Variants in CHRNA7 observed in about 807,000 individuals in gnomAD.
CHRNA7 encodes neuronal acetylcholine receptor subunit alpha-7.
Under a neutral mutation model 48.0 loss-of-function variants are expected in CHRNA7, and 17 were observed. The ratio of observed to expected loss-of-function variants is 0.35; its 90% CI spans 0.24 to 0.53. CHRNA7 has a LOEUF of 0.53. CHRNA7 is among the 20% of genes least tolerant of loss of function. The pLI is 0.92. For missense variants in CHRNA7, 155 were observed against 577.7 expected, an observed-to-expected ratio of 0.27 and a Z score of 7.50; for synonymous variants, 75 against 242.3, an observed-to-expected ratio of 0.31 and a Z score of 6.41.
intron 2 of CHRNA7, among the ~76,000 whole-genome samples, chr15:32,035,424 T>C (rs1902037728): frequency 6.6e-6 from 1 of 152,216 alleles, no homozygotes; most frequent in African/African-American, 2.4e-5. Flanking sequence ...GTAAAACACA[T>C]AATTATACAA....
At chr15:32,114,033 T>TAC (rs1566848703) in intron 4 of CHRNA7, among the ~76,000 whole-genome samples, 1 of 87,444 alleles carries the variant, frequency 1.1e-5, no homozygotes, top group Non-Finnish European at 2.2e-5. Flanking sequence ...TATATATATA[T>TAC]ATATATATAT....
chr15:32,036,808 A>T, intron 2 of CHRNA7, among the ~76,000 whole-genome samples: 1 of 144,222 alleles, frequency 6.9e-6, no homozygotes, highest in East Asian at 2.0e-4. Flanking sequence ...TGAATTTAAG[A>T]GTTTTTGTAT....
At chr15:32,063,667 C>G (rs1339751874) in intron 2 of CHRNA7, among the ~76,000 whole-genome samples, 1 of 152,152 alleles carries the variant, frequency 6.6e-6, no homozygotes, top group East Asian at 1.9e-4. Context: ...GGAGGTTAAG[C>G]CTCAAGTTCC....
intron 2 of CHRNA7, among the ~76,000 whole-genome samples, chr15:32,059,794 G>A (rs894674318): frequency 2.6e-5 from 4 of 151,634 alleles, no homozygotes; most frequent in Non-Finnish European, 5.9e-5. Context: ...CACATACTTA[G>A]AAGCAGCAGA....
intron 2 of CHRNA7, among the ~76,000 whole-genome samples, chr15:32,073,680 G>T (rs12101471): frequency 0.042 from 6,363 of 152,204 alleles, 155 homozygotes; most frequent in Middle Eastern, 0.095. Flanking sequence ...ATGGCTTGCT[G>T]CTCTCCCCAC....
At chr15:32,128,890 G>GT (rs1376416150) in intron 4 of CHRNA7, among the ~76,000 whole-genome samples, 2 of 151,830 alleles carry the variant, frequency 1.3e-5, no homozygotes, top group Non-Finnish European at 3.0e-5. Context: ...CTAGCTGTAG[G>GT]TTTTTTGTGG....
At chr15:32,145,207 C>T (rs1433618057) in intron 4 of CHRNA7, among the ~76,000 whole-genome samples, 4 of 152,128 alleles carry the variant, frequency 2.6e-5, no homozygotes, top group African/African-American at 9.7e-5. Context: ...TGCTGGAGGT[C>T]CACTCCAGAC....
chr15:32,138,726 C>CTGTTA (rs1555386929), intron 4 of CHRNA7, among the ~76,000 whole-genome samples: 1 of 73,454 alleles, frequency 1.4e-5, no homozygotes, highest in African/African-American at 5.4e-5. Context: ...AGCCATTGAC[C>CTGTTA]TGTTATGTTT....
In CHRNA7 at chr15:32,089,241, G is replaced by C. The variant is rs146746875; in HGVS notation, c.196-12062G>C. 3.7e-3 allele frequency among the ~76,000 whole-genome samples: 568 copies of C among 151,928 alleles called. 4 individuals are homozygous for C. The highest frequency in any genetic ancestry group is 0.013 in the African/African-American group (534 of 41,462). On this transcript the variant is annotated intron_variant, in intron 2 of 9. Coordinates refer to ENST00000306901, the MANE Select transcript of CHRNA7 (RefSeq NM_000746.6). ...CAACTATTCTTTCTGCTCTGCTCTC[G>C]CTTTTGGTGATTCAACTATATATGT...
At chr15:32,095,769 A>G (rs2050458704) in intron 2 of CHRNA7, among the ~76,000 whole-genome samples, 1 of 152,254 alleles carries the variant, frequency 6.6e-6, no homozygotes, top group Non-Finnish European at 1.5e-5. Flanking sequence ...TTCCAAGCCC[A>G]TACTTTGAAA....
intron 2 of CHRNA7, among the ~76,000 whole-genome samples, chr15:32,040,353 G>A (rs112828624): frequency 6.6e-6 from 1 of 151,264 alleles, no homozygotes; most frequent in Admixed American, 6.6e-5. Flanking sequence ...TGGTTTAGTT[G>A]GACATTTTAT....
At chr15:32,045,530 C>T (rs141074361) in intron 2 of CHRNA7, among the ~76,000 whole-genome samples, 1,946 of 151,892 alleles carry the variant, frequency 0.013, 38 homozygotes, top group African/African-American at 0.045. Context: ...AGTCTTCTCT[C>T]TCTTCAATAA....
At chr15:32,093,315 C>T (rs780350438) in intron 2 of CHRNA7, among the ~76,000 whole-genome samples, 1 of 152,134 alleles carries the variant, frequency 6.6e-6, no homozygotes, top group Non-Finnish European at 1.5e-5. Flanking sequence ...GAGGTAGGTC[C>T]TTTGAGGGAG....
chr15:32,077,851 C>T (rs1402535737), intron 2 of CHRNA7, among the ~76,000 whole-genome samples: 1 of 152,068 alleles, frequency 6.6e-6, no homozygotes, highest in East Asian at 1.9e-4. Flanking sequence ...GTGACAGGCT[C>T]TTTTTAACAA....
At chr15:32,077,939 G>A (rs2050159549) in intron 2 of CHRNA7, among the ~76,000 whole-genome samples, 1 of 152,266 alleles carries the variant, frequency 6.6e-6, no homozygotes, top group African/African-American at 2.4e-5. Flanking sequence ...CATTCATGAG[G>A]GATTTGCCCC....
chr15:32,114,211 G>T (rs1233834480), intron 4 of CHRNA7, among the ~76,000 whole-genome samples: 2 of 150,776 alleles, frequency 1.3e-5, no homozygotes, highest in African/African-American at 2.4e-5. Context: ...TTATTAACAC[G>T]GTTACAAGAG....
rs963149969 is a variant in CHRNA7, at chr15:32,149,364, C to T, written c.351-4543C>T. 6.6e-6 allele frequency among the ~76,000 whole-genome samples: 1 copy of T among 152,180 alleles called. No individual in the cohort carries two copies. The highest frequency in any genetic ancestry group is 1.5e-5 in the Non-Finnish European group (1 of 68,044). On this transcript the variant is annotated intron_variant, in intron 4 of 9. Coordinates refer to ENST00000306901, the MANE Select transcript of CHRNA7 (RefSeq NM_000746.6). This position sits in a 1 kb window ranked among gnomAD's most constrained non-coding sequence, Gnocchi z 4.6. Reference sequence around the variant, plus strand: ...CTGTTGGCTGGCATCTGTCGGGCATCCCCGGGGAAGCTGCGCCGGTGCTGT... The same window carrying T: ...CTGTTGGCTGGCATCTGTCGGGCATTCCCGGGGAAGCTGCGCCGGTGCTGT...
intron 4 of CHRNA7, among the ~76,000 whole-genome samples, chr15:32,147,055 T>G (rs1026606579): frequency 7.9e-5 from 12 of 152,222 alleles, no homozygotes; most frequent in African/African-American, 2.7e-4. Flanking sequence ...ATATCTGCTG[T>G]GTTAATCTTC....
intron 2 of CHRNA7, among the ~76,000 whole-genome samples, chr15:32,066,362 A>G (rs1452702863): frequency 2.6e-5 from 4 of 151,772 alleles, no homozygotes; most frequent in Non-Finnish European, 5.9e-5. Flanking sequence ...ACTCACTGCA[A>G]CCTCCACCTC....
Sources: gnomAD v4.1 joint callset for allele counts (sites outside exome capture counted in the v4.1 genomes callset) on GRCh38, gnomAD v4.1.1 for gene constraint, Gnocchi (gnomAD v3.1) non-coding constraint, MANE v1.5 for transcripts, NCBI Gene and HGNC (gene_info 2026-07-23, HGNC 2026-07-21) for gene names.